SPIDR: variants seen among roughly 807,000 people sequenced by gnomAD.
SPIDR encodes the protein DNA repair-scaffolding protein.
SPIDR carries 93 observed loss-of-function variants against 104.6 expected under a neutral mutation model. That is an observed-to-expected ratio of 0.89 (90% confidence interval 0.75 to 1.06). SPIDR has a LOEUF of 1.06. Among genes scored for constraint, SPIDR ranks in the 50% least tolerant of loss-of-function variants. The pLI is 0.00. For missense variants in SPIDR, 1,154 were observed against 1,111.2 expected (o/e 1.04, Z -0.55); for synonymous variants, 431 against 416.9 (o/e 1.03, Z -0.41).
intron 5 of SPIDR, among the ~76,000 whole-genome samples, chr8:47,393,020 A>T (rs1311620953): frequency 1.3e-4 from 20 of 151,726 alleles, no homozygotes; most frequent in Admixed American, 1.3e-3. Flanking sequence ...CTTTCACATA[A>T]TTTTCCATAG....
chr8:47,328,268 T>G (rs1415002614), intron 5 of SPIDR, among the ~76,000 whole-genome samples: 1 of 152,038 alleles, frequency 6.6e-6, no homozygotes, highest in African/African-American at 2.4e-5. Flanking sequence ...CTACATTTTT[T>G]TTTTTAAAGA....
chr8:47,363,047 G>A (rs1214475565), intron 5 of SPIDR, among the ~76,000 whole-genome samples: 5 of 151,964 alleles, frequency 3.3e-5, no homozygotes, highest in Non-Finnish European at 7.4e-5. Flanking sequence ...CAGATGTGTT[G>A]TCTCTACCTG....
chr8:47,289,893 A>G lies in SPIDR; in HGVS notation c.257-1140A>G, dbSNP rs960029030. Among the ~76,000 whole-genome samples, 14 of 152,358 alleles carry G rather than the reference A, an allele frequency of 9.2e-5. No homozygotes were observed. In the South Asian group the frequency reaches 1.0e-3, roughly 11 times the overall value. ...CAGTAGGTGAATGATTAAACAAACT[A>G]TGGTGCATAGTACCATGGTGTACTA... On this transcript the variant is annotated intron_variant, in intron 3 of 19. Coordinates refer to ENST00000297423, the MANE Select transcript of SPIDR (RefSeq NM_001080394.4).
chr8:47,477,836 G>A (rs1225719908), intron 8 of SPIDR, among the ~76,000 whole-genome samples: 2 of 152,184 alleles, frequency 1.3e-5, no homozygotes, highest in Non-Finnish European at 2.9e-5. Context: ...TGCCACACAG[G>A]GTGCAGGGGG....
intron 12 of SPIDR, 91 bp downstream of exon 12, chr8:47,700,581 G>A: frequency 7.7e-7 from 1 of 1,294,024 alleles, no homozygotes; most frequent in Non-Finnish European, 1.1e-6. Context: ...CACATGGTCT[G>A]TGTCCCCTGC....
In SPIDR at chr8:47,560,916, C is replaced by T. The variant is rs563876834; in HGVS notation, c.1098-34895C>T. 4.6e-5 allele frequency among the ~76,000 whole-genome samples: 7 copies of T among 152,300 alleles called. No individual in the cohort carries two copies. In the South Asian group the frequency reaches 1.2e-3, roughly 27 times the overall value. On this transcript the variant is annotated intron_variant, in intron 8 of 19. Coordinates refer to ENST00000297423, the MANE Select transcript of SPIDR (RefSeq NM_001080394.4). ...TGCACAATGAAACTGTTTCATTCTT[C>T]GGTGACCCCAGGGCCTCCTTTCTGG... is the stretch of plus-strand genomic sequence containing the variant.
chr8:47,582,533 T>G (rs2059811059), intron 8 of SPIDR, among the ~76,000 whole-genome samples: 1 of 152,190 alleles, frequency 6.6e-6, no homozygotes, highest in South Asian at 2.1e-4. Context: ...TTCTTAAGTC[T>G]ATTAAATTGT....
intron 8 of SPIDR, among the ~76,000 whole-genome samples, chr8:47,477,198 G>T (rs538746345): frequency 1.1e-4 from 16 of 150,458 alleles, no homozygotes; most frequent in African/African-American, 3.7e-4. Context: ...TAGAAGATGC[G>T]CAATATATTT....
intron 5 of SPIDR, among the ~76,000 whole-genome samples, chr8:47,360,152 C>T (rs577443417): frequency 6.8e-5 from 9 of 133,228 alleles, no homozygotes; most frequent in African/African-American, 2.5e-4. Context: ...TGAGGCAGGA[C>T]AATGGCATGA....
At chr8:47,731,101 T>C (rs1363110854) in intron 19 of SPIDR, among the ~76,000 whole-genome samples, 3 of 151,586 alleles carry the variant, frequency 2.0e-5, no homozygotes, top group Non-Finnish European at 4.4e-5. Flanking sequence ...CTACTAAAAA[T>C]ACAAAAAAGC....
In SPIDR at chr8:47,286,689, C is replaced by A. The variant is rs1018514293; in HGVS notation, c.256+2595C>A. On this transcript the variant is annotated intron_variant, in intron 3 of 19. Coordinates refer to ENST00000297423, the MANE Select transcript of SPIDR (RefSeq NM_001080394.4). ...CAAGGCTGATCTTTCTAATAAAGAA[C>A]CATCAGAACTTAATCTAGGGGGAAA... 4.6e-5 allele frequency among the ~76,000 whole-genome samples: 7 copies of A among 152,136 alleles called. No homozygotes were observed. In the South Asian group the frequency reaches 1.5e-3, roughly 32 times the overall value.
intron 7 of SPIDR, among the ~76,000 whole-genome samples, chr8:47,428,439 TAA>T (rs2066793817): frequency 6.6e-6 from 1 of 152,192 alleles, no homozygotes; most frequent in African/African-American, 2.4e-5. Context: ...AATTAAAAAA[TAA>T]GTGTTAGAAA....
At chr8:47,319,853 A>G (rs1055356222) in intron 5 of SPIDR, among the ~76,000 whole-genome samples, 1 of 152,066 alleles carries the variant, frequency 6.6e-6, no homozygotes, top group Non-Finnish European at 1.5e-5. Flanking sequence ...ACTACTGGGT[A>G]CATAACGAAA....
At chr8:47,594,366 C>CA (rs1166162073) in intron 8 of SPIDR, among the ~76,000 whole-genome samples, 6 of 150,988 alleles carry the variant, frequency 4.0e-5, no homozygotes, top group East Asian at 2.0e-4. Flanking sequence ...GACTCCATCT[C>CA]AAAAAAAAGA....
At chr8:47,446,813 G>T (rs1259164723) in intron 8 of SPIDR, among the ~76,000 whole-genome samples, 1 of 152,026 alleles carries the variant, frequency 6.6e-6, no homozygotes, top group African/African-American at 2.4e-5. Flanking sequence ...TCTGGAACTC[G>T]TGACCTCGTG....
At chr8:47,552,894 G>C (rs2090765009) in intron 8 of SPIDR, among the ~76,000 whole-genome samples, 1 of 152,132 alleles carries the variant, frequency 6.6e-6, no homozygotes, top group Admixed American at 6.6e-5. Context: ...TGCAGTGGCT[G>C]GTACCAGTTG....
At chr8:47,665,809 A>G (rs951521689) in intron 10 of SPIDR, among the ~76,000 whole-genome samples, 1 of 152,214 alleles carries the variant, frequency 6.6e-6, no homozygotes, top group African/African-American at 2.4e-5. Context: ...GTAATTATGT[A>G]TGGTTTTGAT....
intron 8 of SPIDR, among the ~76,000 whole-genome samples, chr8:47,505,726 G>T (rs910582771): frequency 4.6e-5 from 7 of 152,176 alleles, no homozygotes; most frequent in African/African-American, 1.7e-4. Flanking sequence ...CTGTAGACTG[G>T]AGCTGTTCCT....
chr8:47,515,976 A>AT (rs2083074533), intron 8 of SPIDR, among the ~76,000 whole-genome samples: 3 of 152,214 alleles, frequency 2.0e-5, no homozygotes, highest in Admixed American at 6.5e-5. Context: ...CACCAGCCTA[A>AT]TTTTTTGTAT....
Sources: allele counts gnomAD v4.1 joint callset (sites outside exome capture counted in the v4.1 genomes callset), GRCh38; gene constraint gnomAD v4.1.1; transcripts MANE v1.5; gene names NCBI Gene and HGNC (gene_info 2026-07-23, HGNC 2026-07-21).